Variants in COL25A1 observed in about 807,000 individuals in gnomAD.
COL25A1 encodes collagen alpha-1(XXV) chain.
COL25A1 carries 103 observed loss-of-function variants against 128.4 expected under a neutral mutation model. The ratio of observed to expected loss-of-function variants is 0.80; its 90% CI spans 0.68 to 0.94. COL25A1 has a LOEUF of 0.94. Among genes scored for constraint, COL25A1 ranks in the 40% least tolerant of loss-of-function variants. The probability of loss-of-function intolerance (pLI) is 0.00; values close to 1 mark genes in which losing one functional copy is unlikely to be tolerated. For synonymous variants in COL25A1, 279 were observed against 277.2 expected (o/e 1.01, Z -0.06); for missense variants, 745 against 840.0 (o/e 0.89, Z 1.40).
intron 3 of COL25A1, among the ~76,000 whole-genome samples, chr4:109,183,975 T>C (rs1774903197): frequency 6.6e-6 from 1 of 151,938 alleles, no homozygotes; most frequent in African/African-American, 2.4e-5. Flanking sequence ...AAAGGTCCTT[T>C]CACAACTCTC....
chr4:109,209,849 T>C (rs1777352006), intron 3 of COL25A1, among the ~76,000 whole-genome samples: 1 of 151,920 alleles, frequency 6.6e-6, no homozygotes, highest in South Asian at 2.1e-4. Context: ...GGTCAGAAAT[T>C]CGAGACTAGC....
intron 10 of COL25A1, 139 bp from the exon 11 acceptor site, chr4:108,937,982 A>G (rs1210961948): frequency 1.6e-6 from 1 of 617,322 alleles, no homozygotes; most frequent in African/African-American, 1.9e-5. Flanking sequence ...GTAGCACATT[A>G]AAAGAGAGCT....
At chr4:108,941,029 A>G (rs571359859) in intron 9 of COL25A1, among the ~76,000 whole-genome samples, 1 of 152,340 alleles carries the variant, frequency 6.6e-6, no homozygotes, top group Admixed American at 6.5e-5. Context: ...AAATGTGTTT[A>G]CTTTAAATTA....
At chr4:109,122,833 G>C (rs1768228752) in intron 3 of COL25A1, among the ~76,000 whole-genome samples, 1 of 152,036 alleles carries the variant, frequency 6.6e-6, no homozygotes, top group African/African-American at 2.4e-5. Flanking sequence ...CATGAACATA[G>C]AGAAATATAC....
intron 6 of COL25A1, among the ~76,000 whole-genome samples, chr4:108,992,819 A>G (rs1310405972): frequency 1.4e-5 from 1 of 72,816 alleles, no homozygotes. Context: ...AGGTCATTAT[A>G]TTTTGTTTGT....
intron 32 of COL25A1, among the ~76,000 whole-genome samples, chr4:108,829,408 TATC>T (rs1732798951): frequency 6.6e-6 from 1 of 151,762 alleles, no homozygotes; most frequent in Non-Finnish European, 1.5e-5. Flanking sequence ...TCTATCTATC[TATC>T]TATCTATCTA....
chr4:109,165,925 T>G (rs1162890460), intron 3 of COL25A1, among the ~76,000 whole-genome samples: 1 of 152,214 alleles, frequency 6.6e-6, no homozygotes, highest in Non-Finnish European at 1.5e-5. Context: ...CTGAAATATC[T>G]TTAGTATCAA....
At chr4:109,100,022 A>C (rs1352476899) in intron 3 of COL25A1, among the ~76,000 whole-genome samples, 1 of 152,176 alleles carries the variant, frequency 6.6e-6, no homozygotes, top group African/African-American at 2.4e-5. Flanking sequence ...CTGTAAGCCC[A>C]AAATACTCTA....
chr4:109,078,201 T>G (rs1763547160), intron 3 of COL25A1, among the ~76,000 whole-genome samples: 1 of 152,204 alleles, frequency 6.6e-6, no homozygotes, highest in Non-Finnish European at 1.5e-5. Flanking sequence ...CACCCATAAC[T>G]CATTTCCTAG....
intron 19 of COL25A1, 59 bp downstream of exon 19, chr4:108,884,119 T>C (rs1740467570): frequency 2.6e-6 from 4 of 1,538,418 alleles, no homozygotes; most frequent in Non-Finnish European, 3.6e-6. Flanking sequence ...TTTCCTCCAA[T>C]TTGGGTGAAT....
At position 108,869,078 on chromosome 4, in the gene COL25A1, GC is replaced by G; in HGVS notation, c.1083+9del. On this transcript the variant is annotated intron_variant, in intron 20 of 37. Coordinates refer to ENST00000399132, the MANE Select transcript of COL25A1 (RefSeq NM_198721.4). ...AAGAAAGAAAGAAGGAAAGAAAGAGGCCCACTTACTTTTGTTCCTGGTAAAC... is the reference window on the plus strand; with the variant it reads ...AAGAAAGAAAGAAGGAAAGAAAGAGGCCACTTACTTTTGTTCCTGGTAAAC... 7.0e-7 allele frequency: 1 copy of G among 1,434,312 alleles called. No individual in the cohort carries two copies. Among genetic ancestry groups the G allele is most frequent in the Non-Finnish European group, 9.6e-7 (1 of 1,036,864 alleles). 88.8% of individuals were successfully genotyped at this position (1,434,312 alleles called of 1,614,324 possible). A position where few individuals can be genotyped will look rare whatever the true frequency, so the allele number is the denominator to read the frequency against.
intron 13 of COL25A1, among the ~76,000 whole-genome samples, chr4:108,905,999 G>C (rs1206334982): frequency 1.3e-5 from 2 of 152,182 alleles, no homozygotes; most frequent in African/African-American, 4.8e-5. Context: ...CGGTAAGCCA[G>C]TGGTTAGAGG....
In COL25A1 at chr4:108,941,421, A is replaced by G. The variant is rs959529402; in HGVS notation, c.509T>C (p.Ile170Thr). The change falls in exon 9 of 38, where the codon ATC (isoleucine) becomes ACC (threonine). Residue 170 changes from isoleucine to threonine, a missense_variant. By Grantham distance (89) the Ile-to-Thr change is moderately conservative. Transcript: ENST00000399132. ...ATCAGCAGAGAGAAACCCATGATTG[A>G]TTTTAGGAAACACCATCTGATCAGT... is the stretch of plus-strand genomic sequence containing the variant. ...DQGPRMVFPK[I>T]NHGFLSADQQ... 7 of 1,613,900 alleles carry G rather than the reference A, an allele frequency of 4.3e-6. No homozygotes were observed. The highest frequency in any genetic ancestry group is 1.7e-5 in the Admixed American group (1 of 59,998).
At chr4:109,275,390 A>T (rs567265190) in intron 3 of COL25A1, among the ~76,000 whole-genome samples, 95 of 152,228 alleles carry the variant, frequency 6.2e-4, no homozygotes, top group African/African-American at 2.2e-3. Context: ...TAAAAAGTTC[A>T]TCTCTAGCTA....
chr4:108,897,502 C>CAGTT (rs1742279884), intron 15 of COL25A1, among the ~76,000 whole-genome samples: 1 of 152,090 alleles, frequency 6.6e-6, no homozygotes, highest in Non-Finnish European at 1.5e-5. Flanking sequence ...GGAGACAGAC[C>CAGTT]AGTTCCAGCA....
chr4:109,255,625 T>C lies in COL25A1; in HGVS notation c.367+44958A>G, dbSNP rs535209898. ...CATTCTAACAATCATTATTATGCAC[T>C]AGACTCTTTTTAAAAACCTCTTTCC... On this transcript the variant is annotated intron_variant, in intron 3 of 37. Coordinates refer to ENST00000399132, the MANE Select transcript of COL25A1 (RefSeq NM_198721.4). 3.2e-4 allele frequency among the ~76,000 whole-genome samples: 48 copies of C among 149,800 alleles called. 1 individual carries two copies. Among genetic ancestry groups the C allele is most frequent in the Non-Finnish European group, 5.0e-4 (34 of 67,778 alleles).
chr4:108,978,847 A>C (rs539071782), intron 6 of COL25A1, among the ~76,000 whole-genome samples: 1 of 152,286 alleles, frequency 6.6e-6, no homozygotes, highest in African/African-American at 2.4e-5. Flanking sequence ...AGCTCTATAG[A>C]AGGCCCTTTT....
chr4:108,849,421 A>G (rs557316476), intron 26 of COL25A1, among the ~76,000 whole-genome samples: 14 of 152,334 alleles, frequency 9.2e-5, no homozygotes, highest in African/African-American at 1.4e-4. Flanking sequence ...TGTGCTATGA[A>G]TGAACTAAAA....
intron 3 of COL25A1, among the ~76,000 whole-genome samples, chr4:109,226,783 A>G (rs984582032): frequency 6.6e-6 from 1 of 152,190 alleles, no homozygotes; most frequent in African/African-American, 2.4e-5. Context: ...ACATGGCAGA[A>G]CACGTGATAG....
Sources: allele counts gnomAD v4.1 joint callset (sites outside exome capture counted in the v4.1 genomes callset), GRCh38; gene constraint gnomAD v4.1.1; transcripts MANE v1.5; gene names NCBI Gene and HGNC (gene_info 2026-07-23, HGNC 2026-07-21).